Variants in COL14A1 observed in about 807,000 individuals in gnomAD.
COL14A1 encodes collagen type XIV alpha 1 chain, also known as collagen alpha-1(XIV) chain.
In COL14A1, 136 loss-of-function variants were observed where a neutral mutation model predicts 230.3. The ratio of observed to expected loss-of-function variants is 0.59; its 90% CI spans 0.51 to 0.68. COL14A1 has a LOEUF of 0.68. COL14A1 is among the 30% of genes least tolerant of loss of function. The pLI, the probability that COL14A1 is intolerant of heterozygous loss-of-function variation, is 0.00. For missense variants in COL14A1, 1,976 were observed against 2,215.8 expected, an observed-to-expected ratio of 0.89 and a Z score of 2.17; for synonymous variants, 792 against 784.1, an observed-to-expected ratio of 1.01 and a Z score of -0.17.
At chr8:120,350,904 A>T (rs962430738) in intron 45 of COL14A1, among the ~76,000 whole-genome samples, 26 of 150,934 alleles carry the variant, frequency 1.7e-4, no homozygotes, top group African/African-American at 6.3e-4. Context: ...ACATCTACAG[A>T]ACTCTCCACC....
intron 31 of COL14A1, among the ~76,000 whole-genome samples, chr8:120,283,424 TA>T (rs1270865769): frequency 6.6e-6 from 1 of 152,156 alleles, no homozygotes; most frequent in Non-Finnish European, 1.5e-5. Flanking sequence ...AAATGACTAT[TA>T]AATGGTGCTA....
intron 38 of COL14A1, among the ~76,000 whole-genome samples, 157 bp downstream of exon 38, chr8:120,314,184 T>C (rs1821133821): frequency 6.6e-6 from 1 of 152,220 alleles, no homozygotes; most frequent in Non-Finnish European, 1.5e-5. Flanking sequence ...CCTTAGCCAT[T>C]TTTGTGTCCA....
intron 12 of COL14A1, 22 bp downstream of exon 12, chr8:120,209,923 C>G: frequency 6.5e-7 from 1 of 1,544,432 alleles, no homozygotes; most frequent in Non-Finnish European, 8.7e-7. Flanking sequence ...CTACCTATTA[C>G]AGTCCTAGAA....
chr8:120,210,777 T>C (rs1478644161), intron 12 of COL14A1, among the ~76,000 whole-genome samples: 1 of 152,214 alleles, frequency 6.6e-6, no homozygotes, highest in Non-Finnish European at 1.5e-5. Flanking sequence ...CTGTCCCTGA[T>C]GATTGAAATC....
intron 5 of COL14A1, among the ~76,000 whole-genome samples, chr8:120,176,014 A>G (rs1816270661): frequency 6.6e-6 from 1 of 152,236 alleles, no homozygotes; most frequent in Non-Finnish European, 1.5e-5. Context: ...AGATTGAGTT[A>G]AAATGTGTAA....
intron 34 of COL14A1, among the ~76,000 whole-genome samples, chr8:120,297,060 C>G (rs56743715): frequency 0.02 from 2,967 of 152,042 alleles, 103 homozygotes; most frequent in African/African-American, 0.067. Context: ...TTCAATAAGC[C>G]TTCCTGAGTG....
intron 23 of COL14A1, among the ~76,000 whole-genome samples, chr8:120,256,037 A>G (rs1379344862): frequency 6.6e-6 from 1 of 152,208 alleles, no homozygotes; most frequent in Non-Finnish European, 1.5e-5. Context: ...CAACATCAGC[A>G]TGGACACTAT....
intron 40 of COL14A1, among the ~76,000 whole-genome samples, chr8:120,329,037 G>C (rs1363562383): frequency 6.6e-6 from 1 of 152,164 alleles, no homozygotes; most frequent in African/African-American, 2.4e-5. Context: ...AGCAAAAGAT[G>C]CCTTTTTGGA....
intron 2 of COL14A1, among the ~76,000 whole-genome samples, chr8:120,151,766 A>G (rs1191881237): frequency 2.0e-5 from 3 of 152,098 alleles, no homozygotes; most frequent in Non-Finnish European, 4.4e-5. Context: ...AAGATGTCAG[A>G]TTGAATTGTT....
intron 16 of COL14A1, 71 bp downstream of exon 16, chr8:120,226,837 C>T: frequency 7.1e-7 from 1 of 1,417,848 alleles, no homozygotes; most frequent in South Asian, 1.3e-5. Context: ...TGGAGTTGGT[C>T]TTCACTTTAA....
chr8:120,311,414 G>T (rs1586852808), intron 37 of COL14A1, among the ~76,000 whole-genome samples: 1 of 152,254 alleles, frequency 6.6e-6, no homozygotes, highest in Non-Finnish European at 1.5e-5. Flanking sequence ...GAAGATAAAT[G>T]AGTTCGTAGA....
intron 22 of COL14A1, among the ~76,000 whole-genome samples, chr8:120,255,035 C>T (rs1819098114): frequency 6.6e-6 from 1 of 152,054 alleles, no homozygotes. Context: ...AGCAGACAGA[C>T]CACATCATGC....
Position 120,332,138 on chromosome 8 carries a change from C to T in COL14A1, c.4660-3C>T. 2 of 1,614,058 alleles carry T rather than the reference C, an allele frequency of 1.2e-6. No homozygotes were observed. Among genetic ancestry groups the T allele is most frequent in the Non-Finnish European group, 1.7e-6 (2 of 1,179,946 alleles). On this transcript the variant is annotated splice_region_variant and splice_polypyrimidine_tract_variant and intron_variant, in intron 40 of 47. Transcript: ENST00000297848. The stretch of plus-strand genomic sequence containing the variant: ...GCTGACATGCTGTGTTTCTTTTCGC[C>T]AGGGCCTTCCGGGAAAGGATGGATC...
At chr8:120,309,096 G>A (rs995293421) in intron 36 of COL14A1, among the ~76,000 whole-genome samples, 4 of 152,146 alleles carry the variant, frequency 2.6e-5, no homozygotes, top group African/African-American at 7.2e-5. Flanking sequence ...CACCACGCCC[G>A]GCTAATTTTT....
intron 18 of COL14A1, 54 bp downstream of exon 18, chr8:120,228,823 T>A (rs1053885644): frequency 7.1e-7 from 1 of 1,404,668 alleles, no homozygotes; most frequent in African/African-American, 1.4e-5. Flanking sequence ...TTTAAACAGA[T>A]GTTATATTAT....
In COL14A1 at chr8:120,227,196, A is replaced by G. The variant is rs1395338875; in HGVS notation, c.2005-24A>G. On this transcript the variant is annotated intron_variant, in intron 16 of 47. Coordinates refer to ENST00000297848, the MANE Select transcript of COL14A1 (RefSeq NM_021110.4). Reference sequence around the variant, plus strand: ...ACTTTTTTTTCAAATAAGCATAGTTACTAAGCACCAAAATATATTTCAGGT... The same window carrying G: ...ACTTTTTTTTCAAATAAGCATAGTTGCTAAGCACCAAAATATATTTCAGGT... The G allele has an allele frequency of 1.9e-6, 3 of 1,612,036 alleles. No homozygotes were observed. The Admixed American group carries it at 5.0e-5, about 27-fold the overall frequency.
chr8:120,327,044 A>G (rs1008928434), intron 40 of COL14A1, among the ~76,000 whole-genome samples: 3 of 152,124 alleles, frequency 2.0e-5, no homozygotes, highest in African/African-American at 7.2e-5. Flanking sequence ...AACAGAAACA[A>G]AAACAAAAAC....
intron 24 of COL14A1, among the ~76,000 whole-genome samples, chr8:120,263,894 C>A (rs891431873): frequency 6.6e-6 from 1 of 152,140 alleles, no homozygotes; most frequent in African/African-American, 2.4e-5. Context: ...AAATCATCTT[C>A]TTTTACGTAA....
chr8:120,142,542 T>C (rs574052224), intron 1 of COL14A1, among the ~76,000 whole-genome samples: 5 of 152,230 alleles, frequency 3.3e-5, no homozygotes, highest in African/African-American at 1.2e-4. Flanking sequence ...TCACTTAATA[T>C]GTTGACTATT....
Sources: allele counts gnomAD v4.1 joint callset (sites outside exome capture counted in the v4.1 genomes callset), GRCh38; gene constraint gnomAD v4.1.1; transcripts MANE v1.5; gene names NCBI Gene and HGNC (gene_info 2026-07-23, HGNC 2026-07-21).